AFG2A: variants seen among roughly 807,000 people sequenced by gnomAD.
AFG2A encodes AAA ATPase AFG2A.
chr4:123,267,974 A>G, the AFG2A span, among the ~76,000 whole-genome samples: 1 of 152,174 alleles, frequency 6.6e-6, no homozygotes, highest in East Asian at 1.9e-4. Flanking sequence ...ATCATGGCTT[A>G]TAAGCTAATC....
chr4:123,190,855 G>A, the AFG2A span, among the ~76,000 whole-genome samples: 3 of 152,274 alleles, frequency 2.0e-5, no homozygotes, highest in East Asian at 3.9e-4. Context: ...ATCAAACTTG[G>A]CACTTAAAGT....
the AFG2A span, among the ~76,000 whole-genome samples, chr4:123,169,173 G>A: frequency 6.6e-6 from 1 of 152,154 alleles, no homozygotes; most frequent in Non-Finnish European, 1.5e-5. Flanking sequence ...TTAGTTCCTT[G>A]AATGATCCTT....
the AFG2A span, among the ~76,000 whole-genome samples, chr4:123,280,986 T>C: frequency 1.3e-5 from 2 of 152,150 alleles, no homozygotes; most frequent in Admixed American, 1.3e-4. Context: ...TTTTCAGATA[T>C]TACCATTTTT....
the AFG2A span, among the ~76,000 whole-genome samples, chr4:123,061,403 T>G: frequency 0.021 from 3,262 of 152,288 alleles, 59 homozygotes; most frequent in Non-Finnish European, 0.035. Context: ...ATGAACTCAT[T>G]AGTTCCACAT....
the AFG2A span, among the ~76,000 whole-genome samples, chr4:123,274,325 G>A: frequency 6.6e-6 from 1 of 151,566 alleles, no homozygotes; most frequent in African/African-American, 2.4e-5. Flanking sequence ...AAGACCGAAT[G>A]CATACAATTT....
chr4:122,989,404 G>A, the AFG2A span, among the ~76,000 whole-genome samples: 1 of 152,126 alleles, frequency 6.6e-6, no homozygotes, highest in South Asian at 2.1e-4. Flanking sequence ...CTGGGATGGG[G>A]CTGGAGCCTG....
At chr4:123,255,901 A>G in the AFG2A span, 2 of 1,178,466 alleles carry the variant, frequency 1.7e-6, no homozygotes, top group African/African-American at 1.5e-5. Context: ...TTATTTACCA[A>G]TTACGAATAA....
chr4:123,027,236 A>G, the AFG2A span, among the ~76,000 whole-genome samples: 2 of 152,170 alleles, frequency 1.3e-5, no homozygotes, highest in African/African-American at 4.8e-5. Flanking sequence ...AACTTCAAAG[A>G]CTTCCAAGAA....
the AFG2A span, among the ~76,000 whole-genome samples, chr4:123,293,340 C>T: frequency 6.6e-6 from 1 of 152,122 alleles, no homozygotes; most frequent in Non-Finnish European, 1.5e-5. Flanking sequence ...GCATCTGTGC[C>T]TCTGCTGAAA....
the AFG2A span, among the ~76,000 whole-genome samples, chr4:123,101,439 TTA>T: frequency 6.6e-6 from 1 of 151,928 alleles, no homozygotes; most frequent in Non-Finnish European, 1.5e-5. Context: ...CAAAGTTTTA[TTA>T]TATATATACT....
the AFG2A span, among the ~76,000 whole-genome samples, chr4:122,926,221 A>G: frequency 3.3e-5 from 5 of 152,342 alleles, no homozygotes; most frequent in East Asian, 9.6e-4. Flanking sequence ...GGAGAAGAAG[A>G]AAACTAAAGT....
At chr4:123,036,766 A>G in the AFG2A span, among the ~76,000 whole-genome samples, 22 of 152,162 alleles carry the variant, frequency 1.4e-4, no homozygotes, top group East Asian at 4.1e-3. Context: ...GGATTGTATT[A>G]TACTTTATGA....
the AFG2A span, among the ~76,000 whole-genome samples, chr4:123,021,622 A>G: frequency 6.6e-6 from 1 of 152,378 alleles, no homozygotes; most frequent in Admixed American, 6.5e-5. Context: ...CAGAGAGATT[A>G]TCCCACAAAG....
chr4:123,167,402 C>T, the AFG2A span, among the ~76,000 whole-genome samples: 5 of 151,952 alleles, frequency 3.3e-5, no homozygotes, highest in African/African-American at 1.2e-4. Flanking sequence ...GGCTGGAGTG[C>T]AGTGGCACGA....
chr4:123,057,278 G>C, the AFG2A span: 4 of 1,613,580 alleles, frequency 2.5e-6, no homozygotes, highest in Admixed American at 3.3e-5. Context: ...CTTAGCAGTT[G>C]AAAGGGGCAG....
At chr4:123,093,616 C>T in the AFG2A span, among the ~76,000 whole-genome samples, 1 of 152,210 alleles carries the variant, frequency 6.6e-6, no homozygotes, top group African/African-American at 2.4e-5. Flanking sequence ...TTATTCCCCC[C>T]TCAGAGATTA....
the AFG2A span, among the ~76,000 whole-genome samples, chr4:123,161,858 T>C: frequency 6.6e-6 from 1 of 152,106 alleles, no homozygotes; most frequent in African/African-American, 2.4e-5. Flanking sequence ...TTGTAATGTA[T>C]AAAGAAAAGT....
the AFG2A span, among the ~76,000 whole-genome samples, chr4:123,077,336 C>T: frequency 1.1e-4 from 17 of 152,132 alleles, no homozygotes; most frequent in South Asian, 1.0e-3. Context: ...TGTGAGCCAC[C>T]GTGCCTGGCC....
the AFG2A span, among the ~76,000 whole-genome samples, chr4:123,122,882 A>C: frequency 6.6e-6 from 1 of 151,656 alleles, no homozygotes. Flanking sequence ...GTAGATAAAA[A>C]TGTGCTTTGT....
Sources: allele counts gnomAD v4.1 joint callset (sites outside exome capture counted in the v4.1 genomes callset), GRCh38; gene constraint gnomAD v4.1.1; transcripts MANE v1.5; gene names NCBI Gene and HGNC (gene_info 2026-07-23, HGNC 2026-07-21).